DNER: variants seen among roughly 807,000 people sequenced by gnomAD.
DNER encodes the protein delta/notch like EGF repeat containing.
A neutral mutation model predicts 78.2 loss-of-function variants in DNER; 33 were observed. The ratio of observed to expected loss-of-function variants is 0.42; its 90% CI spans 0.32 to 0.56. The LOEUF (loss-of-function observed/expected upper bound fraction) is 0.56, where lower values mean the gene tolerates loss of function less well. Ranked by LOEUF, DNER falls within the 20% of genes least tolerant of loss-of-function variation. DNER has a pLI of 0.11. For missense variants in DNER, 918 were observed against 975.3 expected, an observed-to-expected ratio of 0.94 and a Z score of 0.78; for synonymous variants, 417 against 384.8, an observed-to-expected ratio of 1.08 and a Z score of -0.98.
intron 1 of DNER, among the ~76,000 whole-genome samples, chr2:229,712,255 C>T (rs1002542160): frequency 5.3e-5 from 8 of 152,240 alleles, no homozygotes; most frequent in Non-Finnish European, 7.4e-5. Flanking sequence ...CCTGACTCTT[C>T]GGAATGAATT....
At chr2:229,486,949 C>T (rs1404159745) in intron 6 of DNER, among the ~76,000 whole-genome samples, 1 of 152,166 alleles carries the variant, frequency 6.6e-6, no homozygotes, top group Non-Finnish European at 1.5e-5. Flanking sequence ...GATACTAATA[C>T]AAGGTACATG....
intron 1 of DNER, among the ~76,000 whole-genome samples, chr2:229,641,426 CA>C (rs887810980): frequency 3.3e-5 from 5 of 152,040 alleles, no homozygotes; most frequent in Admixed American, 3.3e-4. Context: ...GAAAAGCTCC[CA>C]AAGAGTACAA....
At chr2:229,498,608 TCTGTACACTAACAATGAC>T (rs1695547569) in intron 6 of DNER, among the ~76,000 whole-genome samples, 1 of 152,204 alleles carries the variant, frequency 6.6e-6, no homozygotes. Context: ...CAGTAGCATT[TCTGTACACTAACAATGAC>T]CTACCTAAAA....
At chr2:229,447,189 A>T in intron 8 of DNER, 127 bp downstream of exon 8, 1 of 908,862 alleles carries the variant, frequency 1.1e-6, no homozygotes, top group Non-Finnish European at 1.6e-6. Flanking sequence ...ACTTACTTAC[A>T]AGCATACCAG....
chr2:229,704,750 T>C (rs769828026), intron 1 of DNER, among the ~76,000 whole-genome samples: 2 of 152,216 alleles, frequency 1.3e-5, no homozygotes, highest in African/African-American at 4.8e-5. Context: ...TCAAAATGCA[T>C]AGAAATGAAT....
intron 4 of DNER, among the ~76,000 whole-genome samples, chr2:229,583,279 A>AT (rs1335677908): frequency 6.6e-6 from 1 of 152,212 alleles, no homozygotes; most frequent in African/African-American, 2.4e-5. Context: ...AATGCATGTA[A>AT]TGCACCTGAC....
chr2:229,432,163 A>G (rs1366542177), intron 8 of DNER, among the ~76,000 whole-genome samples: 1 of 152,264 alleles, frequency 6.6e-6, no homozygotes, highest in Non-Finnish European at 1.5e-5. Context: ...TATAAACAGT[A>G]AGAAAAGCAT....
intron 7 of DNER, among the ~76,000 whole-genome samples, chr2:229,454,265 A>C (rs966627421): frequency 5.9e-5 from 9 of 152,234 alleles, no homozygotes; most frequent in Admixed American, 1.3e-4. Flanking sequence ...GTTAACTGAT[A>C]AAATTAATAG....
At chr2:229,457,779 A>G (rs1163911960) in intron 7 of DNER, among the ~76,000 whole-genome samples, 2 of 151,298 alleles carry the variant, frequency 1.3e-5, no homozygotes, top group Non-Finnish European at 2.9e-5. Context: ...TTATTTGGAA[A>G]AAAAAAAAAA....
intron 9 of DNER, among the ~76,000 whole-genome samples, chr2:229,413,067 T>C (rs912728526): frequency 6.6e-6 from 1 of 152,134 alleles, no homozygotes; most frequent in Non-Finnish European, 1.5e-5. Context: ...AAGAACTTTT[T>C]TTTTCTTTAG....
At chr2:229,436,902 T>C (rs1330619166) in intron 8 of DNER, among the ~76,000 whole-genome samples, 2 of 152,124 alleles carry the variant, frequency 1.3e-5, no homozygotes, top group Middle Eastern at 3.2e-3. Flanking sequence ...GTCTGCACAA[T>C]AACCAACTAA....
At chr2:229,579,250 G>C (rs150169834) in intron 4 of DNER, among the ~76,000 whole-genome samples, 3 of 152,168 alleles carry the variant, frequency 2.0e-5, no homozygotes, top group Non-Finnish European at 4.4e-5. Flanking sequence ...ATACAACCCT[G>C]TCTTGGGCAC....
intron 1 of DNER, among the ~76,000 whole-genome samples, chr2:229,608,570 AAC>A (rs1172250906): frequency 6.6e-6 from 1 of 152,246 alleles, no homozygotes; most frequent in Non-Finnish European, 1.5e-5. Context: ...AAATCGCAGA[AAC>A]ACCATAGTGA....
intron 1 of DNER, among the ~76,000 whole-genome samples, chr2:229,623,563 G>A (rs570097013): frequency 7.2e-5 from 11 of 152,212 alleles, no homozygotes; most frequent in Non-Finnish European, 1.5e-4. Flanking sequence ...AGCCCGAGAA[G>A]GCAGGCACAG....
intron 5 of DNER, among the ~76,000 whole-genome samples, chr2:229,519,175 C>T (rs1026122371): frequency 6.6e-6 from 1 of 152,026 alleles, no homozygotes; most frequent in African/African-American, 2.4e-5. Context: ...ATAAATCTAA[C>T]CCCCTAACAC....
At chr2:229,368,472 T>C (rs1412890648) in intron 11 of DNER, among the ~76,000 whole-genome samples, 1 of 152,156 alleles carries the variant, frequency 6.6e-6, no homozygotes, top group East Asian at 1.9e-4. Flanking sequence ...AAAATAAAAA[T>C]CTAAATATTT....
At chr2:229,531,704 G>C (rs1696305841) in intron 5 of DNER, among the ~76,000 whole-genome samples, 1 of 152,174 alleles carries the variant, frequency 6.6e-6, no homozygotes, top group South Asian at 2.1e-4. Flanking sequence ...ACAAATACTT[G>C]TACAGACATG....
At chr2:229,552,296 C>G (rs577995751) in intron 4 of DNER, among the ~76,000 whole-genome samples, 1 of 152,316 alleles carries the variant, frequency 6.6e-6, no homozygotes, top group South Asian at 2.1e-4. Context: ...TGGAATTAAC[C>G]TACAGGCAGG....
chr2:229,387,521 AAG>A (rs1692908338), intron 11 of DNER, among the ~76,000 whole-genome samples: 2 of 116,048 alleles, frequency 1.7e-5, no homozygotes, highest in African/African-American at 6.5e-5. Context: ...GAAAGAAAGA[AAG>A]AAAGAAAGAA....
Sources: allele counts gnomAD v4.1 joint callset (sites outside exome capture counted in the v4.1 genomes callset), GRCh38; gene constraint gnomAD v4.1.1; transcripts MANE v1.5; gene names NCBI Gene and HGNC (gene_info 2026-07-23, HGNC 2026-07-21).